STARD13: variants seen among roughly 807,000 people sequenced by gnomAD.
STARD13 encodes the protein StAR related lipid transfer domain containing 13.
In STARD13, 62 loss-of-function variants were observed where a neutral mutation model predicts 106.4. That is an observed-to-expected ratio of 0.58 (90% CI 0.48 to 0.72). STARD13 has a LOEUF of 0.72. STARD13 is among the 30% of genes least tolerant of loss of function. The probability of loss-of-function intolerance (pLI) is 0.00; values close to 1 mark genes in which losing one functional copy is unlikely to be tolerated. For synonymous variants in STARD13, 565 were observed against 553.0 expected, an observed-to-expected ratio of 1.02 and a Z score of -0.31; for missense variants, 1,387 against 1,424.0, an observed-to-expected ratio of 0.97 and a Z score of 0.42.
the STARD13 span, among the ~76,000 whole-genome samples, chr13:33,622,616 A>G: frequency 5.8e-5 from 7 of 119,988 alleles, no homozygotes; most frequent in Non-Finnish European, 1.1e-4. Flanking sequence ...CTCCGTCTCA[A>G]AAAAAAAAAA....
chr13:33,413,124 A>G, the STARD13 span, among the ~76,000 whole-genome samples: 11 of 152,202 alleles, frequency 7.2e-5, no homozygotes, highest in African/African-American at 2.7e-4. Context: ...TAACGGTAAA[A>G]TCTCCAAACA....
the STARD13 span, among the ~76,000 whole-genome samples, chr13:33,359,043 A>AC: frequency 6.6e-6 from 1 of 152,194 alleles, no homozygotes; most frequent in South Asian, 2.1e-4. Flanking sequence ...ACTGGGCTCT[A>AC]CCAATCAGCA....
chr13:33,477,911 G>A, the STARD13 span, among the ~76,000 whole-genome samples: 1 of 151,160 alleles, frequency 6.6e-6, no homozygotes, highest in South Asian at 2.1e-4. Context: ...CCAACCATCA[G>A]GCTTCCCAGA....
intron 3 of STARD13, among the ~76,000 whole-genome samples, chr13:33,152,852 A>G (rs927645404): frequency 1.3e-5 from 2 of 152,186 alleles, no homozygotes; most frequent in African/African-American, 4.8e-5. Flanking sequence ...CCCGTATTAC[A>G]TGGGGAGCCG....
chr13:33,483,447 C>T, the STARD13 span, among the ~76,000 whole-genome samples: 1 of 152,144 alleles, frequency 6.6e-6, no homozygotes, highest in African/African-American at 2.4e-5. Context: ...GGCCCAATTT[C>T]CACATAGAAA....
intron 1 of STARD13, among the ~76,000 whole-genome samples, chr13:33,208,721 G>C (rs757579270): frequency 6.6e-6 from 1 of 152,202 alleles, no homozygotes; most frequent in Non-Finnish European, 1.5e-5. Flanking sequence ...GAACTAGGAG[G>C]ACAGGGTTGA....
At chr13:33,633,762 C>A in the STARD13 span, among the ~76,000 whole-genome samples, 5 of 152,220 alleles carry the variant, frequency 3.3e-5, no homozygotes, top group East Asian at 9.7e-4. Flanking sequence ...AGCATGGTTT[C>A]TAAGGTCACA....
At chr13:33,675,876 T>C in the STARD13 span, among the ~76,000 whole-genome samples, 1 of 152,164 alleles carries the variant, frequency 6.6e-6, no homozygotes, top group Non-Finnish European at 1.5e-5. Flanking sequence ...AACAGATCAA[T>C]GAGCTAGCTA....
At chr13:33,230,825 G>A (rs1375784974) in intron 1 of STARD13, among the ~76,000 whole-genome samples, 1 of 152,232 alleles carries the variant, frequency 6.6e-6, no homozygotes, top group African/African-American at 2.4e-5. Context: ...AAGTGCCAGC[G>A]AGGCACTGAG....
intron 8 of STARD13, among the ~76,000 whole-genome samples, chr13:33,115,374 C>A (rs1194826554): frequency 3.9e-5 from 6 of 152,134 alleles, no homozygotes. Context: ...TAATTTGGAA[C>A]CTTGATTAGT....
chr13:33,133,932 C>T (rs79403136), intron 4 of STARD13, among the ~76,000 whole-genome samples: 1,683 of 152,086 alleles, frequency 0.011, 31 homozygotes, highest in African/African-American at 0.038. Flanking sequence ...AAGAGATTAT[C>T]AGATTTCATC....
At chr13:33,561,204 A>G in the STARD13 span, among the ~76,000 whole-genome samples, 4 of 151,454 alleles carry the variant, frequency 2.6e-5, no homozygotes, top group Non-Finnish European at 5.9e-5. Context: ...TTAGCCTTGC[A>G]TGAAGAGGAA....
chr13:33,190,893 G>A lies in STARD13; in HGVS notation c.170-23271C>T, dbSNP rs77051044. Among the ~76,000 whole-genome samples the A allele has an allele frequency of 2.5e-3, 377 of 151,958 alleles. 17 individuals are homozygous for A. The East Asian group carries it at 0.066, about 27-fold the overall frequency. The stretch of plus-strand genomic sequence containing the variant: ...GCCACCGTACCCGGCCACTACACCC[G>A]TTTATTAAAGTACTGAATATAAATT... On this transcript the variant is annotated intron_variant, in intron 1 of 13. Transcript: ENST00000336934.
At position 33,109,870 on chromosome 13, in the gene STARD13, C is replaced by T. The variant is rs373292669; in HGVS notation, c.3047+3G>A. 9.3e-4 allele frequency: 1,504 copies of T among 1,613,582 alleles called. 1 individual carries two copies. The highest frequency in any genetic ancestry group is 1.2e-3 in the Non-Finnish European group (1,418 of 1,179,530). ...ACATCATAAACCCTAGAGTCAGGCT[C>T]ACCTGAGAACCACAAAGTCTCTGGA... On this transcript the variant is annotated splice_donor_region_variant and intron_variant, in intron 12 of 13. Coordinates refer to ENST00000336934, the MANE Select transcript of STARD13 (RefSeq NM_178006.4).
chr13:33,479,738 T>C, the STARD13 span, among the ~76,000 whole-genome samples: 1 of 152,290 alleles, frequency 6.6e-6, no homozygotes, highest in Non-Finnish European at 1.5e-5. Context: ...TCATGGATAG[T>C]TTAGCACCAT....
chr13:33,414,851 GA>G, the STARD13 span, among the ~76,000 whole-genome samples: 9,272 of 152,174 alleles, frequency 0.061, 360 homozygotes, highest in East Asian at 0.11. Context: ...TGTCATATTA[GA>G]AAACATTTTA....
chr13:33,155,547 C>T (rs964630252), intron 3 of STARD13: 4 of 152,138 alleles, frequency 2.6e-5, no homozygotes, highest in African/African-American at 9.7e-5. Flanking sequence ...AATCTCCTCC[C>T]TGATTTTGTA....
At chr13:33,237,221 C>T (rs1889236373) in intron 1 of STARD13, among the ~76,000 whole-genome samples, 1 of 152,290 alleles carries the variant, frequency 6.6e-6, no homozygotes, top group Admixed American at 6.5e-5. Flanking sequence ...AGTCCTAGTT[C>T]CAGATTTCTA....
At chr13:33,397,700 G>A in the STARD13 span, among the ~76,000 whole-genome samples, 1 of 152,188 alleles carries the variant, frequency 6.6e-6, no homozygotes, top group Non-Finnish European at 1.5e-5. Context: ...ACAGGAATTG[G>A]TACCTGTATT....
Sources: gnomAD v4.1 joint callset for allele counts (sites outside exome capture counted in the v4.1 genomes callset) on GRCh38, gnomAD v4.1.1 for gene constraint, MANE v1.5 for transcripts, NCBI Gene and HGNC (gene_info 2026-07-23, HGNC 2026-07-21) for gene names.